The following NAV3 variants were observed in gnomAD, a reference collection of about 807,000 sequenced individuals.
NAV3 encodes the protein neuron navigator 3, also known as pore membrane and/or filament interacting like protein 1.
Under a neutral mutation model 244.7 loss-of-function variants are expected in NAV3, and 87 were observed. The observed-to-expected ratio is 0.36, with a 90% CI of 0.30 to 0.42. The LOEUF is 0.42. Ranked by LOEUF, NAV3 falls within the 20% of genes least tolerant of loss-of-function variation. The pLI, the probability that NAV3 is intolerant of heterozygous loss-of-function variation, is 1.00. For missense variants in NAV3, 2,663 were observed against 2,893.3 expected, an observed-to-expected ratio of 0.92 and a Z score of 1.83; for synonymous variants, 1,126 against 1,042.2, an observed-to-expected ratio of 1.08 and a Z score of -1.55.
chr12:77,679,764 T>A (rs1874369202), intron 2 of NAV3, among the ~76,000 whole-genome samples: 1 of 152,052 alleles, frequency 6.6e-6, no homozygotes, highest in Non-Finnish European at 1.5e-5. Flanking sequence ...AAAGACAAGA[T>A]GCATTTGAGA....
At chr12:78,116,714 G>C (rs1475756422) in intron 12 of NAV3, 58 bp from the exon 13 acceptor site, 1 of 1,420,804 alleles carries the variant, frequency 7.0e-7, no homozygotes, top group Non-Finnish European at 9.4e-7. Context: ...GGAAATGTAG[G>C]TGACTTGCAT....
chr12:77,739,372 T>G (rs1434344956), intron 2 of NAV3, among the ~76,000 whole-genome samples: 2 of 152,090 alleles, frequency 1.3e-5, no homozygotes, highest in Non-Finnish European at 2.9e-5. Context: ...TTCTGGGTTA[T>G]GTATCCTTTG....
At chr12:78,186,715 G>C (rs1958737373) in intron 31 of NAV3, among the ~76,000 whole-genome samples, 1 of 151,862 alleles carries the variant, frequency 6.6e-6, no homozygotes, top group Non-Finnish European at 1.5e-5. Context: ...GAAAGTACTT[G>C]TCTTATTCTA....
At chr12:77,948,375 G>T (rs1272608525) in intron 3 of NAV3, among the ~76,000 whole-genome samples, 1 of 151,842 alleles carries the variant, frequency 6.6e-6, no homozygotes, top group East Asian at 1.9e-4. Flanking sequence ...TTGAAGAGAA[G>T]AAATAATTTT....
At chr12:78,003,217 C>T (rs1167224836) in intron 7 of NAV3, among the ~76,000 whole-genome samples, 3 of 148,814 alleles carry the variant, frequency 2.0e-5, no homozygotes, top group African/African-American at 7.3e-5. Context: ...AATACCAAGA[C>T]ATATTTAGAT....
At chr12:77,991,987 C>T (rs569560945) in intron 5 of NAV3, among the ~76,000 whole-genome samples, 28 of 151,856 alleles carry the variant, frequency 1.8e-4, no homozygotes, top group South Asian at 6.2e-4. Context: ...GCCGAGATTA[C>T]GCCACTGCAC....
At chr12:78,118,482 G>T (rs535537292) in intron 14 of NAV3, among the ~76,000 whole-genome samples, 185 bp downstream of exon 14, 1 of 152,240 alleles carries the variant, frequency 6.6e-6, no homozygotes, top group East Asian at 1.9e-4. Context: ...AGCCCAAGTA[G>T]GGCCTATATC....
At chr12:78,189,842 T>C (rs1452318841) in intron 33 of NAV3, 142 bp from the exon 34 acceptor site, 1 of 627,616 alleles carries the variant, frequency 1.6e-6, no homozygotes, top group Non-Finnish European at 2.7e-6. Flanking sequence ...AACGCATATT[T>C]GTGGGATAGA....
chr12:77,686,220 G>C (rs1874736327), intron 2 of NAV3, among the ~76,000 whole-genome samples: 1 of 152,082 alleles, frequency 6.6e-6, no homozygotes, highest in Non-Finnish European at 1.5e-5. Flanking sequence ...AGCCTCTTGA[G>C]TAGCTGGGAT....
At chr12:78,160,910 C>T (rs936757525) in intron 23 of NAV3, among the ~76,000 whole-genome samples, 1 of 151,288 alleles carries the variant, frequency 6.6e-6, no homozygotes, top group African/African-American at 2.4e-5. Context: ...CTTCCTGCCT[C>T]TTTTCTATCC....
intron 2 of NAV3, among the ~76,000 whole-genome samples, chr12:77,642,131 T>A (rs1302139187): frequency 6.6e-6 from 1 of 152,020 alleles, no homozygotes; most frequent in Non-Finnish European, 1.5e-5. Flanking sequence ...GTCACAAAGA[T>A]TGGTCAACAG....
intron 2 of NAV3, chr12:77,783,138 A>G (rs529255455): frequency 6.6e-6 from 1 of 151,956 alleles, no homozygotes. Context: ...TAAGAAAGCC[A>G]TTTAAAAGGT....
chr12:77,676,596 TA>T (rs1190950607), intron 2 of NAV3, among the ~76,000 whole-genome samples: 2 of 151,690 alleles, frequency 1.3e-5, no homozygotes, highest in African/African-American at 4.8e-5. Flanking sequence ...AATTTTACTT[TA>T]AGTTCTGGAT....
intron 2 of NAV3, among the ~76,000 whole-genome samples, chr12:77,691,650 G>A (rs188391165): frequency 1.3e-4 from 20 of 151,316 alleles, no homozygotes; most frequent in South Asian, 2.1e-4. Context: ...TTTTTTCTTC[G>A]TTGAATTTTC....
intron 2 of NAV3, among the ~76,000 whole-genome samples, chr12:77,585,326 T>A (rs1869550183): frequency 6.6e-6 from 1 of 152,124 alleles, no homozygotes; most frequent in Non-Finnish European, 1.5e-5. Flanking sequence ...CTCCTAAACG[T>A]CAGCAACCAT....
Position 78,006,457 on chromosome 12 carries a change from G to A in NAV3, c.919G>A (p.Gly307Ser), listed in dbSNP as rs2136554935. Reference protein sequence around the residue: ...KGPQSSSGVNGNVQPPSTAGQ... With the variant: ...KGPQSSSGVNSNVQPPSTAGQ... ...ACCTCAATCGTCTTCAGGTGTAAATGGTAACGTGCAGCCTCCCAGTACTGC... is the reference window on the plus strand; with the variant it reads ...ACCTCAATCGTCTTCAGGTGTAAATAGTAACGTGCAGCCTCCCAGTACTGC... Residue 307 changes from glycine to serine, a missense_variant, in exon 8 of 40, where the codon GGT becomes AGT. Physicochemically the swap from Gly to Ser is moderately conservative, Grantham distance 56. Around this residue, in one of 6 missense-constraint regions of NAV3, gnomAD observed 1,521 missense variants for 1,497.0 expected, o/e 1.02. Coordinates refer to ENST00000397909, the MANE Select transcript of NAV3 (RefSeq NM_001024383.2). 3 of 1,614,036 alleles carry A rather than the reference G, an allele frequency of 1.9e-6. No individual in the cohort carries two copies. The highest frequency in any genetic ancestry group is 2.5e-6 in the Non-Finnish European group (3 of 1,179,980).
At chr12:78,114,415 AAAG>A (rs1446621751) in intron 12 of NAV3, among the ~76,000 whole-genome samples, 2 of 152,176 alleles carry the variant, frequency 1.3e-5, no homozygotes, top group Admixed American at 6.5e-5. Context: ...TATAAAGAAA[AAAG>A]AGGTTTAATT....
rs1890735404 is a variant in NAV3, at chr12:77,950,120, ATT to A, written c.414+8989_414+8990del. 3.3e-5 allele frequency among the ~76,000 whole-genome samples: 5 copies of A among 152,152 alleles called. No individual in the cohort carries two copies. The South Asian group carries it at 1.0e-3, about 31-fold the overall frequency. On this transcript the variant is annotated intron_variant, in intron 3 of 39. Coordinates refer to ENST00000397909, the MANE Select transcript of NAV3 (RefSeq NM_001024383.2). ...GCAGTTATGAAGAAAACTGCTATACATTTCCATGGGTAGATTCTTGTGTGAAC... is the reference window on the plus strand; with the variant it reads ...GCAGTTATGAAGAAAACTGCTATACATCCATGGGTAGATTCTTGTGTGAAC...
At chr12:77,862,948 A>C (rs1404328396) in intron 1 of NAV3, among the ~76,000 whole-genome samples, 1 of 151,742 alleles carries the variant, frequency 6.6e-6, no homozygotes, top group Non-Finnish European at 1.5e-5. Context: ...AAATGGAATA[A>C]AGTGTTCCAT....
Sources: gnomAD v4.1 joint callset for allele counts (sites outside exome capture counted in the v4.1 genomes callset) on GRCh38, gnomAD v4.1.1 for gene constraint, gnomAD v4.1.1 regional missense constraint, MANE v1.5 for transcripts, NCBI Gene and HGNC (gene_info 2026-07-23, HGNC 2026-07-21) for gene names.